FHIT: variants seen among roughly 807,000 people sequenced by gnomAD.
FHIT encodes bis(5'-adenosyl)-triphosphatase.
Under a neutral mutation model 17.9 loss-of-function variants are expected in FHIT, and 19 were observed. The ratio of observed to expected loss-of-function variants is 1.06; its 90% CI spans 0.74 to 1.56. The LOEUF (loss-of-function observed/expected upper bound fraction) is 1.56. FHIT is among the 40% of genes most tolerant of loss of function. FHIT has a pLI of 0.00. For synonymous variants in FHIT, 81 were observed against 69.7 expected, an observed-to-expected ratio of 1.16 and a Z score of -0.81; for missense variants, 248 against 189.2, an observed-to-expected ratio of 1.31 and a Z score of -1.82.
chr3:60,720,589 A>G (rs1197096684), intron 4 of FHIT, among the ~76,000 whole-genome samples: 1 of 152,190 alleles, frequency 6.6e-6, no homozygotes, highest in African/African-American at 2.4e-5. Context: ...ATCACCTGGG[A>G]AATGTTACAC....
intron 8 of FHIT, among the ~76,000 whole-genome samples, chr3:59,842,017 C>T (rs1047959695): frequency 1.3e-5 from 2 of 152,196 alleles, no homozygotes; most frequent in East Asian, 1.9e-4. Flanking sequence ...AACTCTTTTT[C>T]GTCTTGTAAA....
chr3:60,214,284 T>A (rs977139131), intron 5 of FHIT, among the ~76,000 whole-genome samples: 2 of 152,174 alleles, frequency 1.3e-5, no homozygotes, highest in Non-Finnish European at 2.9e-5. Flanking sequence ...TAAATACAGA[T>A]CCTAAACTTG....
chr3:60,204,203 T>C (rs213312), intron 5 of FHIT, among the ~76,000 whole-genome samples: 113,450 of 152,062 alleles, frequency 0.75, 42,330 homozygotes, highest in South Asian at 0.76. Flanking sequence ...TTAATATATA[T>C]ACCTACTATG....
At chr3:60,440,925 G>A (rs144724617) in intron 5 of FHIT, among the ~76,000 whole-genome samples, 81 of 152,178 alleles carry the variant, frequency 5.3e-4, no homozygotes, top group South Asian at 5.2e-3. Flanking sequence ...GTTGGCATAC[G>A]ATTCTGATAC....
rs547087304 is a variant in FHIT, at chr3:61,094,034, G to A, written c.-163-51935C>T. 3.2e-4 allele frequency among the ~76,000 whole-genome samples: 48 copies of A among 152,138 alleles called. 1 individual carries two copies. In the Middle Eastern group the frequency reaches 0.01, roughly 32 times the overall value. On this transcript the variant is annotated intron_variant, in intron 2 of 9. Transcript: ENST00000492590. ...TCAAATGAGTTTTCCCTGTAGGTTA[G>A]GTGTCCTCAACTTGGGATCCTTAAA...
chr3:59,973,726 T>C (rs1355657227), intron 7 of FHIT, among the ~76,000 whole-genome samples: 1 of 152,168 alleles, frequency 6.6e-6, no homozygotes, highest in Non-Finnish European at 1.5e-5. Context: ...ATTTATATAA[T>C]AGTTGCTCAA....
At chr3:60,010,709 C>T (rs1700104859) in intron 7 of FHIT, among the ~76,000 whole-genome samples, 1 of 152,124 alleles carries the variant, frequency 6.6e-6, no homozygotes, top group African/African-American at 2.4e-5. Flanking sequence ...CTGAATCAGC[C>T]AGGATTTTAT....
chr3:60,100,522 G>T (rs1704147915), intron 5 of FHIT, among the ~76,000 whole-genome samples: 9 of 152,080 alleles, frequency 5.9e-5, no homozygotes, highest in Admixed American at 5.9e-4. Flanking sequence ...ATCCTAAGTT[G>T]TTTCCACCTG....
intron 5 of FHIT, among the ~76,000 whole-genome samples, chr3:60,267,331 A>G (rs1706633430): frequency 6.6e-6 from 1 of 150,718 alleles, no homozygotes; most frequent in Admixed American, 6.6e-5. Flanking sequence ...CACACACACA[A>G]TAAATGGGAA....
chr3:61,018,662 A>G (rs1385966998), intron 3 of FHIT, among the ~76,000 whole-genome samples: 1 of 152,226 alleles, frequency 6.6e-6, no homozygotes, highest in African/African-American at 2.4e-5. Flanking sequence ...AATGGAATAG[A>G]ATCTTTCCAG....
intron 5 of FHIT, among the ~76,000 whole-genome samples, chr3:60,412,952 C>A (rs1702118096): frequency 6.6e-6 from 1 of 152,088 alleles, no homozygotes; most frequent in Non-Finnish European, 1.5e-5. Flanking sequence ...GCCTGCTTCC[C>A]CTTCCACCAT....
intron 3 of FHIT, among the ~76,000 whole-genome samples, chr3:60,939,354 T>C (rs1553773931): frequency 6.6e-6 from 1 of 152,172 alleles, no homozygotes; most frequent in South Asian, 2.1e-4. Context: ...GCTCTCATCA[T>C]TAACAGCAGA....
At chr3:59,887,819 G>C (rs1194271715) in intron 8 of FHIT, among the ~76,000 whole-genome samples, 1 of 152,156 alleles carries the variant, frequency 6.6e-6, no homozygotes, top group Non-Finnish European at 1.5e-5. Flanking sequence ...GACAGCGGGA[G>C]ACCTTGCCAA....
rs2042001648 is a variant in FHIT, at chr3:60,730,307, T to C, written c.-18+91612A>G. 6 of 262,056 alleles carry C rather than the reference T, an allele frequency of 2.3e-5. 1 individual carries two copies. The South Asian group carries it at 3.3e-4, about 15-fold the overall frequency. 16.2% of individuals were successfully genotyped at this position (262,056 alleles called of 1,614,324 possible). On this transcript the variant is annotated intron_variant, in intron 4 of 9. Coordinates refer to ENST00000492590, the MANE Select transcript of FHIT (RefSeq NM_002012.4). ...GCTTCTGTTTCCATGTCTTCTCTTT[T>C]TGTAGCCTCCCCAATATCAATGGTG...
At chr3:60,114,184 C>G (rs908912255) in intron 5 of FHIT, among the ~76,000 whole-genome samples, 2 of 149,448 alleles carry the variant, frequency 1.3e-5, no homozygotes, top group African/African-American at 4.9e-5. Flanking sequence ...CATAATCAGA[C>G]AAGGTAAACA....
chr3:61,080,651 T>C (rs945621151), intron 2 of FHIT, among the ~76,000 whole-genome samples: 12 of 152,280 alleles, frequency 7.9e-5, no homozygotes, highest in African/African-American at 2.9e-4. Flanking sequence ...TAGAATTTAG[T>C]ATCAATAGGA....
intron 1 of FHIT, among the ~76,000 whole-genome samples, chr3:61,224,415 T>A (rs2039915222): frequency 6.6e-6 from 1 of 152,088 alleles, no homozygotes; most frequent in Non-Finnish European, 1.5e-5. Context: ...TATTTTATTT[T>A]ATTTTATTTT....
chr3:60,646,643 T>G (rs2039864441), intron 4 of FHIT, among the ~76,000 whole-genome samples: 1 of 152,170 alleles, frequency 6.6e-6, no homozygotes. Context: ...GGAAACAATT[T>G]CTTTTAGAGG....
At chr3:59,982,536 A>T (rs1234050660) in intron 7 of FHIT, among the ~76,000 whole-genome samples, 1 of 152,174 alleles carries the variant, frequency 6.6e-6, no homozygotes, top group Non-Finnish European at 1.5e-5. Flanking sequence ...TCCAGCTAAG[A>T]TCAAGTGTAA....
Sources: allele counts gnomAD v4.1 joint callset (sites outside exome capture counted in the v4.1 genomes callset), GRCh38; gene constraint gnomAD v4.1.1; transcripts MANE v1.5; gene names NCBI Gene and HGNC (gene_info 2026-07-23, HGNC 2026-07-21).